The following MST1 variants were observed in gnomAD, a reference collection of about 807,000 sequenced individuals.
The protein encoded by MST1 is hepatocyte growth factor-like protein.
Under a neutral mutation model 100.1 loss-of-function variants are expected in MST1, and 76 were observed. That is an observed-to-expected ratio of 0.76 (90% CI 0.63 to 0.92). The LOEUF is 0.92. Ranked by LOEUF, MST1 falls within the 40% of genes least tolerant of loss-of-function variation. MST1 has a pLI of 0.00. For missense variants in MST1, 850 were observed against 990.0 expected (o/e 0.86, Z 1.90); for synonymous variants, 352 against 385.4 (o/e 0.91, Z 1.01).
rs774684470 is a variant in MST1, at chr3:49,684,103, C to A, written c.2103G>T (p.Arg701Ser). The A allele has an allele frequency of 6.2e-7, 1 of 1,613,664 alleles. No homozygotes were observed. Among genetic ancestry groups the A allele is most frequent in the Non-Finnish European group, 8.5e-7 (1 of 1,179,862 alleles). ...GCGTGAAGACAGCTGGCCAGCGGGA[C>A]CTTGCGCATACTCGGTTGGGGATTA... ...GIIIPNRVCA[R>S]SRWPAVFTRV... The change falls in exon 18 of 18, where the codon AGG becomes AGT. Residue 701 changes from arginine (R) to serine (S), a missense_variant. Transcript: ENST00000449682.
Position 49,686,082 on chromosome 3 carries a change from G to A in MST1, c.1127C>T (p.Thr376Ile), listed in dbSNP as rs769837435. The change falls in exon 9 of 18, where the codon ACA becomes ATA. Residue 376 changes from threonine (T) to isoleucine (I), a missense_variant. Coordinates refer to ENST00000449682, the MANE Select transcript of MST1 (RefSeq NM_020998.4). Reference sequence around the variant, plus strand: ...CTCACCCTGGGGCCGCACGTCGTCTGTACAACGCCGGATCTGGTAGCAAAA... The same window carrying A: ...CTCACCCTGGGGCCGCACGTCGTCTATACAACGCCGGATCTGGTAGCAAAA... Reference protein sequence around the residue: ...AAFCYQIRRCTDDVRPQDCYH... With the variant: ...AAFCYQIRRCIDDVRPQDCYH... 11 of 1,610,486 alleles carry A rather than the reference G, an allele frequency of 6.8e-6. No individual in the cohort carries two copies. Among genetic ancestry groups the A allele is most frequent in the Non-Finnish European group, 5.1e-6 (6 of 1,179,424 alleles).
rs767784852 is a variant in MST1 at position 49,684,057 on chromosome 3, A to G, written c.2149T>C (p.Trp717Arg). The G allele has an allele frequency of 6.2e-7, 1 of 1,613,662 alleles. No individual in the cohort carries two copies. Among genetic ancestry groups the G allele is most frequent in the South Asian group, 1.1e-5 (1 of 91,080 alleles). Residue 717 changes from tryptophan to arginine, a missense_variant, in exon 18 of 18, where the codon TGG becomes CGG. Trp to Arg is a moderately radical substitution (Grantham distance 101). This residue lies in a region of MST1 where 816 missense variants were observed against 924.6 expected (regional missense o/e 0.88). Transcript: ENST00000449682. ...VFTRVSVFVD[W>R]IHKVMRLG is the part of the protein sequence containing the mutation. ...CCCAGTCTCATGACCTTGTGAATCC[A>G]GTCCACAAACACAGAGACACGCGTG...
At position 49,685,925 on chromosome 3, in the gene MST1, C is replaced by A; in HGVS notation, c.1185G>T (p.Thr395=). Residue 395 remains threonine (T), a synonymous_variant, in exon 10 of 18, where the codon ACG becomes ACT. Transcript: ENST00000449682. ...YHGAGEQYRG[T]VSKTRKGVQC... ...GGACACCCTTGCGGGTCTTGCTGAC[C>A]GTGCCGCGGTACTGCTCCCCTGCGC... 6 of 1,609,482 alleles carry A rather than the reference C, an allele frequency of 3.7e-6. No homozygotes were observed. Among genetic ancestry groups the A allele is most frequent in the African/African-American group, 1.3e-5 (1 of 74,954 alleles).
chr3:49,684,502 A>G (rs768139993), intron 16 of MST1, 48 bp downstream of exon 16: 6 of 1,613,546 alleles, frequency 3.7e-6, no homozygotes, highest in Non-Finnish European at 5.1e-6. Context: ...AGGAAGATCC[A>G]GGGCTGGGCC....
chr3:49,687,164 T>C lies in MST1; in HGVS notation c.592A>G (p.Lys198Glu). ...PAVRFQSCGI[K>E]SCREAACVWC... Reference sequence around the variant, plus strand: ...CGCCGCTTACCCTCCCGGCAGGATTTGATGCCGCAGCTCTGGAAGCGCACA... The same window carrying C: ...CGCCGCTTACCCTCCCGGCAGGATTCGATGCCGCAGCTCTGGAAGCGCACA... Residue 198 changes from lysine to glutamate, a missense_variant, in exon 5 of 18, where the codon AAA becomes GAA. By Grantham distance (56) the Lys-to-Glu change is moderately conservative. This residue lies in a region of MST1 where 816 missense variants were observed against 924.6 expected (regional missense o/e 0.88). Coordinates refer to ENST00000449682, the MANE Select transcript of MST1 (RefSeq NM_020998.4). 1 of 1,613,218 alleles carries C rather than the reference T, an allele frequency of 6.2e-7. No individual in the cohort carries two copies.
At position 49,687,798 on chromosome 3, in the gene MST1, G is replaced by A. The variant is rs1327758363; in HGVS notation, c.194C>T (p.Ala65Val). The A allele has an allele frequency of 1.2e-6, 2 of 1,613,648 alleles. No homozygotes were observed. Among genetic ancestry groups the A allele is most frequent in the East Asian group, 4.5e-5 (2 of 44,886 alleles). Residue 65 changes from alanine (A) to valine (V), a missense_variant, in exon 2 of 18, where the codon GCA becomes GTA. This residue lies in a region of MST1 where 816 missense variants were observed against 924.6 expected (regional missense o/e 0.88). Transcript: ENST00000449682. ...VVPGPWQEDVADAEECAGRCG... is the reference protein window; with the variant it reads ...VVPGPWQEDVVDAEECAGRCG... ...GCGACCAGCACACTCTTCAGCATCT[G>A]CCACATCCTCCTGCCAAGGCCCGGG... is the stretch of plus-strand genomic sequence containing the variant.
intron 1 of MST1, chr3:49,688,155 C>T (rs1210006361): frequency 8.9e-6 from 5 of 564,906 alleles, no homozygotes; most frequent in African/African-American, 1.9e-5. Context: ...TCAGATCTAA[C>T]ACATACGCTC....
chr3:49,685,964 T>C lies in MST1; in HGVS notation c.1148-2A>G. 1 of 1,607,072 alleles carries C rather than the reference T, an allele frequency of 6.2e-7. No individual in the cohort carries two copies. Among genetic ancestry groups the C allele is most frequent in the Non-Finnish European group, 8.5e-7 (1 of 1,178,618 alleles). Reference sequence around the variant, plus strand: ...GCTCCCCTGCGCCGTGGTAGCAGTCTGTGGCGGGTGCGGGCAGCCATCAGG... The same window carrying C: ...GCTCCCCTGCGCCGTGGTAGCAGTCCGTGGCGGGTGCGGGCAGCCATCAGG... On this transcript the variant is annotated splice_acceptor_variant, in intron 9 of 17. Coordinates refer to ENST00000449682, the MANE Select transcript of MST1 (RefSeq NM_020998.4). LOFTEE classifies it high-confidence loss of function.
At chr3:49,685,115 G>C (rs746068925) in intron 13 of MST1, 26 bp from the exon 14 acceptor site, 1 of 1,607,700 alleles carries the variant, frequency 6.2e-7, no homozygotes, top group Non-Finnish European at 8.5e-7. Flanking sequence ...ATTAGGACAG[G>C]TAACAGACTC....
Position 49,687,071 on chromosome 3 carries a change from G to A in MST1, c.608-4C>T. 1 of 1,612,522 alleles carries A rather than the reference G, an allele frequency of 6.2e-7. No homozygotes were observed. On this transcript the variant is annotated splice_region_variant and splice_polypyrimidine_tract_variant and intron_variant, in intron 5 of 17. Transcript: ENST00000449682. ...CCATTGCACCAGACACACGCGGCTG[G>A]AGACAAAGAGCCAGTGGGTTCGTGG... is the stretch of plus-strand genomic sequence containing the variant.
In MST1 at chr3:49,688,669, A is replaced by C. The variant is rs767147400; in HGVS notation, c.23T>G (p.Val8Gly). 6.2e-7 allele frequency: 1 copy of C among 1,609,248 alleles called. No individual in the cohort carries two copies. Among genetic ancestry groups the C allele is most frequent in the Non-Finnish European group, 8.5e-7 (1 of 1,178,608 alleles). Residue 8 changes from valine to glycine, a missense_variant, in exon 1 of 18, where the codon GTG becomes GGG. Transcript: ENST00000449682. ...CCCCATCCTTCTGGCTGGAGGCTGC[A>C]CTGTGACCCACCACAGCCCCATCCG... MGLWWVT[V>G]QPPARRMGWL...
chr3:49,686,926 G>A (rs1453056205), intron 6 of MST1, 21 bp downstream of exon 6: 4 of 1,611,508 alleles, frequency 2.5e-6, no homozygotes, highest in Non-Finnish European at 3.4e-6. Context: ...CCCCCAGGAC[G>A]CCGATACCGC....
chr3:49,685,626 G>A lies in MST1; in HGVS notation c.1357C>T (p.Pro453Ser), dbSNP rs1344178604. ...PWCYTMDPRT[P>S]FDYCALRRCA... The stretch of plus-strand genomic sequence containing the variant: ...CGTCGCAGGGCACAGTAGTCGAATG[G>A]GGTCCTTGGGTCCATCGTGTAGCAC... The change falls in exon 11 of 18, where the codon CCA (proline) becomes TCA (serine). Residue 453 changes from proline (P) to serine (S), a missense_variant. Physicochemically the swap from Pro to Ser is moderately conservative, Grantham distance 74. Transcript: ENST00000449682. 1 of 1,613,286 alleles carries A rather than the reference G, an allele frequency of 6.2e-7. No individual in the cohort carries two copies. Among genetic ancestry groups the A allele is most frequent in the African/African-American group, 1.3e-5 (1 of 74,902 alleles).
chr3:49,686,159 G>C lies in MST1; in HGVS notation c.1050C>G (p.Asp350Glu), dbSNP rs1276684327. 4 of 1,611,258 alleles carry C rather than the reference G, an allele frequency of 2.5e-6. No homozygotes were observed. Among genetic ancestry groups the C allele is most frequent in the Non-Finnish European group, 3.4e-6 (4 of 1,179,530 alleles). Residue 350 changes from aspartate to glutamate, a missense_variant, in exon 9 of 18, where the codon GAC (aspartate) becomes GAG (glutamate). Around this residue, in one of 2 missense-constraint regions of MST1, gnomAD observed 816 missense variants for 924.6 expected, o/e 0.88. Transcript: ENST00000449682. ...DLRENFCRNP[D>E]GSEAPWCFTL... Reference sequence around the variant, plus strand: ...TGAAGCACCAGGGCGCCTCTGAGCCGTCGGGGTTCCGGCAGAAGTTCTCCC... The same window carrying C: ...TGAAGCACCAGGGCGCCTCTGAGCCCTCGGGGTTCCGGCAGAAGTTCTCCC...
intron 4 of MST1, 22 bp downstream of exon 4, chr3:49,687,342 G>A (rs2053861683): frequency 3.1e-6 from 5 of 1,613,454 alleles, no homozygotes; most frequent in Non-Finnish European, 4.2e-6. Context: ...AGGCCGGGAC[G>A]GAGGGAAGGT....
chr3:49,686,574 C>G (rs570961079), intron 7 of MST1, 93 bp from the exon 8 acceptor site: 1 of 1,562,784 alleles, frequency 6.4e-7, no homozygotes, highest in East Asian at 2.4e-5. Flanking sequence ...GTACGGTACT[C>G]CACGGGGTAT....
At position 49,685,279 on chromosome 3, in the gene MST1, T is replaced by C. The variant is rs565400329; in HGVS notation, c.1527A>G (p.Thr509=). The C allele has an allele frequency of 3.1e-6, 5 of 1,613,390 alleles. No individual in the cohort carries two copies. The highest frequency in any genetic ancestry group is 2.2e-5 in the East Asian group (1 of 44,878). The part of the protein sequence containing the change: ...VGGHPGNSPW[T]VSLRNRQGQH... ...TGCCTCACCGATTCCGCAAGCTGAC[T>C]GTCCAGGGTGAGTTGCCCGGATGGC... The change falls in exon 13 of 18, where the codon ACA becomes ACG. Residue 509 remains threonine (T), a synonymous_variant. Transcript: ENST00000449682.
chr3:49,687,379 A>G lies in MST1; in HGVS notation c.455T>C (p.Phe152Ser), dbSNP rs767448182. The G allele has an allele frequency of 1.9e-6, 3 of 1,613,486 alleles. No individual in the cohort carries two copies. Among genetic ancestry groups the G allele is most frequent in the Non-Finnish European group, 2.5e-6 (3 of 1,179,858 alleles). Residue 152 changes from phenylalanine to serine, a missense_variant, in exon 4 of 18, where the codon TTC (phenylalanine) becomes TCC (serine). By Grantham distance (155) the Phe-to-Ser change is radical. This residue lies in a region of MST1 where 816 missense variants were observed against 924.6 expected (regional missense o/e 0.88). Transcript: ENST00000449682. ...TTTGTCTCACTTGTGATCATTTGGG[A>G]ACTTGTGGCTCCAAGCCTGGCAGGG... Reference protein sequence around the residue: ...GLPCQAWSHKFPNDHKYTPTL... With the variant: ...GLPCQAWSHKSPNDHKYTPTL...
intron 8 of MST1, 24 bp downstream of exon 8, chr3:49,686,289 G>GCCCCACC (rs770959821): frequency 8.3e-7 from 1 of 1,209,650 alleles, no homozygotes; most frequent in African/African-American, 2.9e-5. Flanking sequence ...ACGTCCCAAC[G>GCCCCACC]CCCGCCCCCC....
Sources: gnomAD v4.1 joint callset for allele counts on GRCh38, gnomAD v4.1.1 for gene constraint, gnomAD v4.1.1 regional missense constraint, MANE v1.5 for transcripts, NCBI Gene and HGNC (gene_info 2026-07-23, HGNC 2026-07-21) for gene names.